Variants in SLC9B1 observed in about 807,000 individuals in gnomAD.
SLC9B1 encodes sodium/hydrogen exchanger 9B1.
SLC9B1 carries 32 observed loss-of-function variants against 51.7 expected under a neutral mutation model. The ratio of observed to expected loss-of-function variants is 0.62; its 90% CI spans 0.47 to 0.83. The LOEUF (loss-of-function observed/expected upper bound fraction) is 0.83. Among genes scored for constraint, SLC9B1 ranks in the 40% least tolerant of loss-of-function variants. The pLI is 0.00. For missense variants in SLC9B1, 406 were observed against 613.2 expected (o/e 0.66, Z 3.57); for synonymous variants, 145 against 212.7 (o/e 0.68, Z 2.77).
At chr4:102,972,868 C>G (rs1030447825) in intron 3 of SLC9B1, among the ~76,000 whole-genome samples, 3 of 152,060 alleles carry the variant, frequency 2.0e-5, no homozygotes, top group African/African-American at 4.8e-5. Context: ...AAAATTAATG[C>G]ATCCTTCAAG....
At chr4:103,010,837 T>G (rs955161362) in intron 1 of SLC9B1, among the ~76,000 whole-genome samples, 1 of 152,188 alleles carries the variant, frequency 6.6e-6, no homozygotes, top group Non-Finnish European at 1.5e-5. Context: ...TTAATACTGT[T>G]GCATTGGGGA....
At chr4:102,996,744 C>G (rs1248525596) in intron 1 of SLC9B1, among the ~76,000 whole-genome samples, 1 of 151,858 alleles carries the variant, frequency 6.6e-6, no homozygotes, top group East Asian at 1.9e-4. Context: ...CTATCCTGTT[C>G]CACTGGCCCA....
intron 1 of SLC9B1, among the ~76,000 whole-genome samples, chr4:102,992,318 C>G (rs764111526): frequency 1.1e-4 from 17 of 152,034 alleles, no homozygotes; most frequent in Admixed American, 5.9e-4. Flanking sequence ...CCTCTGTAAT[C>G]TTTGCTAGCT....
chr4:102,967,518 C>G (rs568111244), intron 3 of SLC9B1, among the ~76,000 whole-genome samples: 131 of 152,244 alleles, frequency 8.6e-4, no homozygotes, highest in African/African-American at 3.1e-3. Flanking sequence ...AGTGTTGTAT[C>G]ACAATATGGT....
chr4:102,968,560 G>T (rs1469252640), intron 3 of SLC9B1, among the ~76,000 whole-genome samples: 1 of 152,192 alleles, frequency 6.6e-6, no homozygotes. Context: ...GGAGAGGATT[G>T]TTCCAAGATG....
intron 1 of SLC9B1, among the ~76,000 whole-genome samples, chr4:102,999,890 G>T (rs1740430372): frequency 6.6e-6 from 1 of 152,144 alleles, no homozygotes; most frequent in South Asian, 2.1e-4. Flanking sequence ...AAGGAAAGAG[G>T]TTTAATTGAC....
chr4:102,980,144 G>A (rs551842110), intron 3 of SLC9B1, among the ~76,000 whole-genome samples: 1 of 152,202 alleles, frequency 6.6e-6, no homozygotes, highest in Non-Finnish European at 1.5e-5. Flanking sequence ...TACACTGTTG[G>A]TGGGAATTTA....
chr4:102,984,647 G>A (rs1739523444), intron 3 of SLC9B1, among the ~76,000 whole-genome samples: 1 of 152,098 alleles, frequency 6.6e-6, no homozygotes, highest in Admixed American at 6.5e-5. Context: ...ATTAGCCGGA[G>A]CAGAATTTGT....
At chr4:103,009,542 T>C (rs894136710) in intron 1 of SLC9B1, among the ~76,000 whole-genome samples, 3 of 152,236 alleles carry the variant, frequency 2.0e-5, no homozygotes, top group Admixed American at 6.5e-5. Context: ...GAATTCAGTA[T>C]AAATTATTCT....
chr4:102,961,201 C>T (rs1168712701), intron 3 of SLC9B1, among the ~76,000 whole-genome samples: 1 of 152,060 alleles, frequency 6.6e-6, no homozygotes, highest in African/African-American at 2.4e-5. Flanking sequence ...TTAAGAAATG[C>T]AATTCAAAGA....
At chr4:102,927,789 G>A (rs972677522) in intron 7 of SLC9B1, among the ~76,000 whole-genome samples, 4 of 152,100 alleles carry the variant, frequency 2.6e-5, no homozygotes, top group South Asian at 2.1e-4. Context: ...TGTTTATTTC[G>A]GCACTATTCA....
At chr4:102,944,625 G>A (rs1172069594) in intron 6 of SLC9B1, among the ~76,000 whole-genome samples, 2 of 152,240 alleles carry the variant, frequency 1.3e-5, no homozygotes, top group African/African-American at 2.4e-5. Flanking sequence ...AGAGACAAAA[G>A]TTGATGAATT....
chr4:102,937,869 T>C (rs1736802389), intron 6 of SLC9B1, among the ~76,000 whole-genome samples: 1 of 152,024 alleles, frequency 6.6e-6, no homozygotes, highest in Admixed American at 6.6e-5. Flanking sequence ...AAGAGGTCCT[T>C]AAAGGAGTGC....
intron 11 of SLC9B1, chr4:102,885,563 T>G (rs899688872): frequency 2.8e-6 from 2 of 723,218 alleles, no homozygotes; most frequent in Admixed American, 2.3e-5. Context: ...ACCATATTCC[T>G]AAATTGAAGT....
At chr4:102,930,917 A>G (rs1226708573) in intron 7 of SLC9B1, among the ~76,000 whole-genome samples, 5 of 152,104 alleles carry the variant, frequency 3.3e-5, no homozygotes, top group Admixed American at 2.0e-4. Context: ...TAAGTGTAAA[A>G]CAATTCAGGT....
At chr4:102,892,207 C>T (rs1448193430) in intron 11 of SLC9B1, 1 of 152,148 alleles carries the variant, frequency 6.6e-6, no homozygotes, top group Non-Finnish European at 1.5e-5. Context: ...TACAGTCATG[C>T]TTCATCATGC....
intron 2 of SLC9B1, among the ~76,000 whole-genome samples, chr4:102,990,579 A>G (rs1344111292): frequency 6.6e-6 from 1 of 151,968 alleles, no homozygotes; most frequent in African/African-American, 2.4e-5. Flanking sequence ...CAAAACATAA[A>G]CAATGATAAC....
intron 11 of SLC9B1, among the ~76,000 whole-genome samples, chr4:102,905,209 G>A (rs139299340): frequency 3.4e-5 from 5 of 145,974 alleles, no homozygotes; most frequent in African/African-American, 5.1e-5. Flanking sequence ...CTTTGTTTTT[G>A]TTTATTTATT....
chr4:102,921,782 T>C (rs1735891270), intron 7 of SLC9B1, among the ~76,000 whole-genome samples: 1 of 152,090 alleles, frequency 6.6e-6, no homozygotes, highest in Admixed American at 6.5e-5. Context: ...TAAAACAGAC[T>C]TTAAACCAAC....
Sources: allele counts gnomAD v4.1 joint callset (sites outside exome capture counted in the v4.1 genomes callset), GRCh38; gene constraint gnomAD v4.1.1; transcripts MANE v1.5; gene names NCBI Gene and HGNC (gene_info 2026-07-23, HGNC 2026-07-21).